The following MED12L variants were observed in gnomAD, a reference collection of about 807,000 sequenced individuals.
MED12L encodes mediator complex subunit 12L, also known as mediator of RNA polymerase II transcription subunit 12-like protein.
Under a neutral mutation model 281.3 loss-of-function variants are expected in MED12L, and 60 were observed. The observed-to-expected ratio is 0.21, with a 90% CI of 0.17 to 0.26. The LOEUF (loss-of-function observed/expected upper bound fraction) is 0.26. Among genes scored for constraint, MED12L ranks in the 10% least tolerant of loss-of-function variants. The pLI is 1.00. For synonymous variants in MED12L, 974 were observed against 987.2 expected, an observed-to-expected ratio of 0.99 and a Z score of 0.25; for missense variants, 2,146 against 2,680.9, an observed-to-expected ratio of 0.80 and a Z score of 4.41.
Position 151,295,334 on chromosome 3 carries a change from T to A in MED12L, c.2251-54725T>A, listed in dbSNP as rs985111809. The A allele has an allele frequency of 1.4e-5, 9 of 650,458 alleles. No individual in the cohort carries two copies. The African/African-American group carries it at 1.6e-4, about 12-fold the overall frequency. The allele number at this position is 650,458 out of a possible 1,614,324, so 40.3% of individuals were successfully genotyped here. On this transcript the variant is annotated intron_variant, in intron 16 of 44. Transcript: ENST00000687756. ...GAACTTAAAGATGTCATCAATGATTTACAGAGTCAAGGTAGCACATTGTTA... is the reference window on the plus strand; with the variant it reads ...GAACTTAAAGATGTCATCAATGATTAACAGAGTCAAGGTAGCACATTGTTA...
At chr3:151,344,730 T>C (rs1752319685) in intron 16 of MED12L, among the ~76,000 whole-genome samples, 1 of 152,192 alleles carries the variant, frequency 6.6e-6, no homozygotes, top group Admixed American at 6.6e-5. Flanking sequence ...TTTTTATTAG[T>C]GTTTGGAAGA....
intron 25 of MED12L, among the ~76,000 whole-genome samples, chr3:151,368,636 TTTCATTTCATTTCATTTCATTTCATTTC>T (rs1755659426): frequency 6.3e-5 from 4 of 63,072 alleles, no homozygotes; most frequent in African/African-American, 2.8e-4. Flanking sequence ...TTTTATTTCA[TTTCATTTCATTTCATTTCATTTCATTTC>T]ATTTCATTTC....
intron 5 of MED12L, among the ~76,000 whole-genome samples, chr3:151,131,993 T>G (rs78282822): frequency 6.6e-6 from 1 of 152,226 alleles, no homozygotes; most frequent in Non-Finnish European, 1.5e-5. Flanking sequence ...TTTGATCCAG[T>G]TGATTTACAG....
chr3:151,377,353 G>A (rs191285381), intron 30 of MED12L, among the ~76,000 whole-genome samples, 175 bp downstream of exon 30: 25 of 152,226 alleles, frequency 1.6e-4, no homozygotes, highest in Middle Eastern at 3.4e-3. Context: ...TGATAGCTTC[G>A]GAATATTTGA....
chr3:151,369,651 T>A (rs984032868), intron 26 of MED12L, 102 bp downstream of exon 26: 1 of 709,254 alleles, frequency 1.4e-6, no homozygotes, highest in East Asian at 2.8e-5. Context: ...GGAAACATGA[T>A]ACTGTTTGAT....
rs1433712162 is a variant in MED12L, at chr3:151,188,394, T to C, written c.1667T>C (p.Ile556Thr). Residue 556 changes from isoleucine to threonine, a missense_variant, in exon 13 of 45, where the codon ATT becomes ACT. Around this residue, in one of 9 missense-constraint regions of MED12L, gnomAD observed 722 missense variants for 861.2 expected, o/e 0.84. Transcript: ENST00000687756. ...ESEVLDEKES[I>T]SSSSLAGSSL... ...GAAGTCTTAGATGAGAAGGAGTCTA[T>C]TTCTTCATCCTCTCTTGCTGGATCC... is the stretch of plus-strand genomic sequence containing the variant. 2 of 1,611,358 alleles carry C rather than the reference T, an allele frequency of 1.2e-6. No individual in the cohort carries two copies. Among genetic ancestry groups the C allele is most frequent in the Non-Finnish European group, 8.5e-7 (1 of 1,177,570 alleles).
intron 5 of MED12L, among the ~76,000 whole-genome samples, chr3:151,146,814 T>A (rs1717816998): frequency 6.6e-6 from 1 of 150,948 alleles, no homozygotes; most frequent in Admixed American, 6.6e-5. Flanking sequence ...TCCCCACCCC[T>A]CCTCCTTTTC....
chr3:151,198,938 A>G (rs1450683464), intron 16 of MED12L: 3 of 1,614,018 alleles, frequency 1.9e-6, no homozygotes, highest in South Asian at 1.1e-5. Flanking sequence ...GGGAATCATC[A>G]TATTTGGCAC....
At chr3:151,334,896 G>C (rs1264808867) in intron 16 of MED12L, among the ~76,000 whole-genome samples, 1 of 152,178 alleles carries the variant, frequency 6.6e-6, no homozygotes, top group African/African-American at 2.4e-5. Flanking sequence ...GTCGTAGCAT[G>C]AAAGCAGCCA....
At chr3:151,269,490 A>C (rs765814858) in intron 16 of MED12L, 3 of 290,898 alleles carry the variant, frequency 1.0e-5, no homozygotes, top group Admixed American at 9.1e-5. Context: ...GTGAAAGCAG[A>C]ACAGAAGTAT....
At chr3:151,368,906 C>T (rs896800800) in intron 25 of MED12L, among the ~76,000 whole-genome samples, 1 of 151,632 alleles carries the variant, frequency 6.6e-6, no homozygotes, top group Middle Eastern at 3.4e-3. Flanking sequence ...GGACTATAGG[C>T]ATGCACCACC....
intron 5 of MED12L, among the ~76,000 whole-genome samples, chr3:151,152,224 T>C (rs567739136): frequency 4.6e-5 from 7 of 150,712 alleles, no homozygotes; most frequent in African/African-American, 1.5e-4. Context: ...TTAAGCCTGC[T>C]GAGCAGCTGG....
chr3:151,218,595 A>G (rs181538085), intron 16 of MED12L, among the ~76,000 whole-genome samples: 2 of 152,246 alleles, frequency 1.3e-5, no homozygotes, highest in Admixed American at 6.5e-5. Flanking sequence ...GTGGCCGGGC[A>G]CGGTGGCTCA....
In MED12L at chr3:151,293,614, CA is replaced by C. The variant is rs1744579551; in HGVS notation, c.2251-56444del. On this transcript the variant is annotated intron_variant, in intron 16 of 44. Transcript: ENST00000687756. ...ACACACACACACACACACACACACA[CA>C]CACGGTCCTAAAATGAAGCCCTTAC... is the stretch of plus-strand genomic sequence containing the variant. 4.8e-5 allele frequency among the ~76,000 whole-genome samples: 4 copies of C among 82,666 alleles called. No individual in the cohort carries two copies. In the East Asian group the frequency reaches 1.3e-3, roughly 27 times the overall value. 54.2% of individuals were successfully genotyped at this position (82,666 alleles called of 152,430 possible). A position where few individuals can be genotyped will look rare whatever the true frequency, so the allele number is the denominator to read the frequency against.
intron 43 of MED12L, among the ~76,000 whole-genome samples, chr3:151,423,529 C>A (rs937119): frequency 0.83 from 126,696 of 152,118 alleles, 52,965 homozygotes; most frequent in Middle Eastern, 0.97. Context: ...CTACTTACTT[C>A]AGTTGCTTGT....
intron 2 of MED12L, among the ~76,000 whole-genome samples, chr3:151,099,288 CA>C (rs1445833781): frequency 6.6e-6 from 1 of 152,152 alleles, no homozygotes; most frequent in Non-Finnish European, 1.5e-5. Flanking sequence ...CAGTGGTTTC[CA>C]AACTTTCTGC....
chr3:151,191,016 A>G, intron 14 of MED12L, 85 bp downstream of exon 14: 2 of 1,175,726 alleles, frequency 1.7e-6, no homozygotes, highest in Non-Finnish European at 2.4e-6. Context: ...TAGTGGTAGA[A>G]GAGTGATGGC....
chr3:151,414,812 T>C (rs949287539), intron 42 of MED12L, among the ~76,000 whole-genome samples: 3 of 136,654 alleles, frequency 2.2e-5, no homozygotes, highest in Non-Finnish European at 5.2e-5. Flanking sequence ...AGATGTTGTT[T>C]CCAATGGTAA....
chr3:151,246,859 G>A (rs576221487), intron 16 of MED12L, among the ~76,000 whole-genome samples: 97 of 152,158 alleles, frequency 6.4e-4, no homozygotes, highest in Non-Finnish European at 1.0e-3. Context: ...GAAACTTTTC[G>A]CAACCTACTC....
Sources: allele counts gnomAD v4.1 joint callset (sites outside exome capture counted in the v4.1 genomes callset), GRCh38; gene constraint gnomAD v4.1.1; regional missense constraint gnomAD v4.1.1; transcripts MANE v1.5; gene names NCBI Gene and HGNC (gene_info 2026-07-23, HGNC 2026-07-21).